The following VAV3 variants were observed in gnomAD, a reference collection of about 807,000 sequenced individuals.
The protein encoded by VAV3 is vav guanine nucleotide exchange factor 3, also known as guanine nucleotide exchange factor VAV3.
VAV3 carries 94 observed loss-of-function variants against 131.2 expected under a neutral mutation model. The observed-to-expected ratio is 0.72, with a 90% CI of 0.61 to 0.85. VAV3 has a LOEUF of 0.85. Ranked by LOEUF, VAV3 falls within the 40% of genes least tolerant of loss-of-function variation. The probability of loss-of-function intolerance (pLI) is 0.00; values close to 1 mark genes in which losing one functional copy is unlikely to be tolerated. For missense variants in VAV3, 939 were observed against 1,002.7 expected, an observed-to-expected ratio of 0.94 and a Z score of 0.86; for synonymous variants, 349 against 342.0, an observed-to-expected ratio of 1.02 and a Z score of -0.22.
intron 1 of VAV3, among the ~76,000 whole-genome samples, chr1:107,892,389 G>A (rs764176663): frequency 5.9e-5 from 9 of 152,150 alleles, no homozygotes; most frequent in Non-Finnish European, 1.3e-4. Context: ...AAGATACAAA[G>A]AGAAGACAGG....
At chr1:107,679,020 C>A (rs149339144) in intron 19 of VAV3, among the ~76,000 whole-genome samples, 70 of 152,088 alleles carry the variant, frequency 4.6e-4, no homozygotes, top group Middle Eastern at 3.4e-3. Flanking sequence ...AAATTCTTTG[C>A]GGAAAGGGGC....
intron 2 of VAV3, among the ~76,000 whole-genome samples, chr1:107,815,807 A>G (rs1557863609): frequency 6.6e-6 from 1 of 152,150 alleles, no homozygotes; most frequent in Non-Finnish European, 1.5e-5. Flanking sequence ...TTTTTGCCTA[A>G]CACAACAGTC....
intron 19 of VAV3, among the ~76,000 whole-genome samples, chr1:107,675,197 A>C (rs1256133224): frequency 6.6e-6 from 1 of 152,212 alleles, no homozygotes; most frequent in Non-Finnish European, 1.5e-5. Flanking sequence ...ATTCATGGTA[A>C]ATTGTTACAT....
chr1:107,638,077 T>A (rs1160765426), intron 20 of VAV3, among the ~76,000 whole-genome samples: 1 of 152,184 alleles, frequency 6.6e-6, no homozygotes, highest in Admixed American at 6.5e-5. Context: ...ATGAAGGGCA[T>A]TTATGAGAAA....
At chr1:107,813,712 T>C (rs547380752) in intron 2 of VAV3, among the ~76,000 whole-genome samples, 1 of 152,300 alleles carries the variant, frequency 6.6e-6, no homozygotes, top group Admixed American at 6.5e-5. Context: ...TCCTTCTATC[T>C]AACTGTATGC....
At chr1:107,609,994 A>C in intron 21 of VAV3, 29 bp from the exon 22 acceptor site, 1 of 1,606,992 alleles carries the variant, frequency 6.2e-7, no homozygotes, top group Non-Finnish European at 8.5e-7. Context: ...AAAACAGATT[A>C]AGTTTACATA....
chr1:107,882,846 A>G lies in VAV3; in HGVS notation c.205-7829T>C, dbSNP rs187358850. ...ACAAAATAAGTATGCTACATGTGGTATCAGTTTAGGACTGCACAATATGAA... is the reference window on the plus strand; with the variant it reads ...ACAAAATAAGTATGCTACATGTGGTGTCAGTTTAGGACTGCACAATATGAA... On this transcript the variant is annotated intron_variant, in intron 1 of 26. Transcript: ENST00000370056. 1.8e-4 allele frequency among the ~76,000 whole-genome samples: 27 copies of G among 152,286 alleles called. 1 individual carries two copies. The East Asian group carries it at 5.2e-3, about 29-fold the overall frequency.
At chr1:107,925,715 C>G (rs1344898569) in intron 1 of VAV3, among the ~76,000 whole-genome samples, 1 of 152,004 alleles carries the variant, frequency 6.6e-6, no homozygotes, top group Non-Finnish European at 1.5e-5. Flanking sequence ...GTTACAGAAT[C>G]ACAGTTTACA....
intron 17 of VAV3, among the ~76,000 whole-genome samples, chr1:107,701,008 TG>T (rs1660090636): frequency 6.6e-6 from 1 of 152,196 alleles, no homozygotes; most frequent in African/African-American, 2.4e-5. Context: ...TAGCGTGAGA[TG>T]GTATCTTATT....
rs191317162 is a variant in VAV3 at position 107,740,689 on chromosome 1, A to G, written c.1502+8279T>C. On this transcript the variant is annotated intron_variant, in intron 15 of 26. Coordinates refer to ENST00000370056, the MANE Select transcript of VAV3 (RefSeq NM_006113.5). ...AGATCATTTTGTGGTAACATATATT[A>G]ACTAATTCTCTAGGCCTAAGTCATC... Among the ~76,000 whole-genome samples, 9 of 152,330 alleles carry G rather than the reference A, an allele frequency of 5.9e-5. No individual in the cohort carries two copies. In the East Asian group the frequency reaches 1.7e-3, roughly 29 times the overall value.
intron 1 of VAV3, among the ~76,000 whole-genome samples, chr1:107,887,994 T>A (rs1208350466): frequency 1.4e-5 from 2 of 142,650 alleles, no homozygotes; most frequent in Non-Finnish European, 3.0e-5. Flanking sequence ...TTTGGTTCTA[T>A]CCAAAAATTT....
intron 14 of VAV3, 67 bp from the exon 15 acceptor site, chr1:107,749,144 T>C: frequency 8.6e-7 from 1 of 1,167,102 alleles, no homozygotes; most frequent in Non-Finnish European, 1.2e-6. Context: ...TTCACAAGAA[T>C]ACCACAACTA....
intron 1 of VAV3, among the ~76,000 whole-genome samples, chr1:107,898,268 A>C (rs1671698986): frequency 6.6e-6 from 1 of 152,220 alleles, no homozygotes; most frequent in African/African-American, 2.4e-5. Flanking sequence ...GGGTAGTGAG[A>C]GTTCCTCTTA....
chr1:107,718,610 A>G (rs1384905513), intron 15 of VAV3, among the ~76,000 whole-genome samples: 2 of 152,228 alleles, frequency 1.3e-5, no homozygotes, highest in South Asian at 2.1e-4. Context: ...AAGAATCAAT[A>G]TCATGAAAAT....
chr1:107,851,009 G>C (rs1158533224), intron 2 of VAV3, among the ~76,000 whole-genome samples: 1 of 152,058 alleles, frequency 6.6e-6, no homozygotes, highest in Non-Finnish European at 1.5e-5. Flanking sequence ...TAAGCAGAAA[G>C]AGCAGCAGGG....
chr1:107,959,289 A>G (rs1006698400), intron 1 of VAV3, among the ~76,000 whole-genome samples: 8 of 152,034 alleles, frequency 5.3e-5, no homozygotes, highest in Non-Finnish European at 8.8e-5. Context: ...TAATTAATTA[A>G]TTAACCCATA....
chr1:107,868,147 G>A (rs1230852780), intron 2 of VAV3, among the ~76,000 whole-genome samples: 1 of 152,160 alleles, frequency 6.6e-6, no homozygotes, highest in Non-Finnish European at 1.5e-5. Context: ...GGGCTTTGAA[G>A]CAAGGCTGAT....
chr1:107,762,238 T>C (rs927010178), intron 9 of VAV3, among the ~76,000 whole-genome samples: 3 of 152,140 alleles, frequency 2.0e-5, no homozygotes, highest in Non-Finnish European at 4.4e-5. Context: ...GACGGAGTTG[T>C]GCTTAAGAAA....
intron 18 of VAV3, chr1:107,686,072 T>C (rs1456746004): frequency 6.6e-6 from 1 of 151,230 alleles, no homozygotes; most frequent in Non-Finnish European, 1.5e-5. Context: ...CTCAATTCTA[T>C]AAGCACTTGG....
Sources: gnomAD v4.1 joint callset for allele counts (sites outside exome capture counted in the v4.1 genomes callset) on GRCh38, gnomAD v4.1.1 for gene constraint, MANE v1.5 for transcripts, NCBI Gene and HGNC (gene_info 2026-07-23, HGNC 2026-07-21) for gene names.